JAK3: variants seen among roughly 807,000 people sequenced by gnomAD.
The protein encoded by JAK3 is tyrosine-protein kinase JAK3.
JAK3 carries 88 observed loss-of-function variants against 120.8 expected under a neutral mutation model. That is an observed-to-expected ratio of 0.73 (90% confidence interval 0.61 to 0.87). The LOEUF (loss-of-function observed/expected upper bound fraction) is 0.87, where lower values mean the gene tolerates loss of function less well. Ranked by LOEUF, JAK3 falls within the 40% of genes least tolerant of loss-of-function variation. JAK3 has a pLI of 0.00. For missense variants in JAK3, 1,254 were observed against 1,501.4 expected (o/e 0.84, Z 2.72); for synonymous variants, 592 against 628.6 (o/e 0.94, Z 0.87).
In JAK3 at chr19:17,831,530, C is replaced by G; in HGVS notation, c.2806-130G>C. The G allele has an allele frequency of 6.6e-7, 1 of 1,508,888 alleles. No individual in the cohort carries two copies. 93.5% of individuals were successfully genotyped at this position (1,508,888 alleles called of 1,614,324 possible). ...CCCCGAGCCATCCTCCACTGAAGTT[C>G]TGATCCTGAGCCCTAAGCCAACCCC... On this transcript the variant is annotated intron_variant, in intron 20 of 23. Coordinates refer to ENST00000458235, the MANE Select transcript of JAK3 (RefSeq NM_000215.4). This position sits in a 1 kb window ranked among gnomAD's most constrained non-coding sequence, Gnocchi z 5.1.
chr19:17,836,333 A>G (rs2094224226), intron 13 of JAK3, among the ~76,000 whole-genome samples: 1 of 151,714 alleles, frequency 6.6e-6, no homozygotes, highest in Non-Finnish European at 1.5e-5. Context: ...CCCAGGCTGG[A>G]GTGCAGTGGT....
At chr19:17,844,134 C>T in intron 2 of JAK3, 100 bp downstream of exon 2, 2 of 1,351,558 alleles carry the variant, frequency 1.5e-6, no homozygotes, top group Non-Finnish European at 2.1e-6. Context: ...AAAGCCCCAG[C>T]TCCGATGCTG....
intron 1 of JAK3, 34 bp from the exon 2 acceptor site, chr19:17,844,464 G>C (rs147813790): frequency 3.8e-6 from 6 of 1,559,430 alleles, no homozygotes; most frequent in Non-Finnish European, 5.2e-6. Context: ...CCTCAGTCCT[G>C]GTCAGAGGGG....
rs959503789 is a variant in JAK3 at position 17,841,194 on chromosome 19, G to A, written c.1142+195C>T. ...TCTCCAGGAAATGGCCCTGGGGTCA[G>A]AGAGAGAGAGAGTAGTGGTCGCCCT... On this transcript the variant is annotated intron_variant, in intron 8 of 23. Transcript: ENST00000458235. This position sits in a 1 kb window ranked among gnomAD's most constrained non-coding sequence, Gnocchi z 4.1. Among the ~76,000 whole-genome samples the A allele has an allele frequency of 2.0e-5, 3 of 150,344 alleles. No homozygotes were observed. Among genetic ancestry groups the A allele is most frequent in the Non-Finnish European group, 4.5e-5 (3 of 67,324 alleles).
rs1275983760 is a variant in JAK3 at position 17,826,762 on chromosome 19, T to C, written c.3356A>G (p.His1119Arg). ...AFTAHPEGKH[H>R]SLSFS The stretch of plus-strand genomic sequence containing the variant: ...CAGGAGCTATGAAAAGGACAGGGAG[T>C]GGTGTTTGCCCTCTGGGTGAGCAGT... Residue 1119 changes from histidine to arginine, a missense_variant, in exon 24 of 24, where the codon CAC becomes CGC. His to Arg is a conservative substitution (Grantham distance 29, BLOSUM62 0). Transcript: ENST00000458235. 2 of 1,612,954 alleles carry C rather than the reference T, an allele frequency of 1.2e-6. No individual in the cohort carries two copies. Among genetic ancestry groups the C allele is most frequent in the Non-Finnish European group, 1.7e-6 (2 of 1,179,748 alleles).
intron 11 of JAK3, 72 bp from the exon 12 acceptor site, chr19:17,838,135 A>G: frequency 6.2e-7 from 1 of 1,612,966 alleles, no homozygotes; most frequent in Non-Finnish European, 8.5e-7. Flanking sequence ...AGCGAGACAT[A>G]GCTGCTGGCC....
Position 17,832,883 on chromosome 19 carries a change from A to G in JAK3, c.2397T>C (p.Arg799=). 6.2e-7 allele frequency: 1 copy of G among 1,614,224 alleles called. No individual in the cohort carries two copies. The highest frequency in any genetic ancestry group is 8.5e-7 in the Non-Finnish European group (1 of 1,180,032). ...SDPTPGALAP[R]DGLWNGAQLY... Reference sequence around the variant, plus strand: ...GCTGGGCACCATTCCACAGCCCATCACGAGGTGCCAGGGCACCAGGTGTGG... The same window carrying G: ...GCTGGGCACCATTCCACAGCCCATCGCGAGGTGCCAGGGCACCAGGTGTGG... Residue 799 remains arginine (R), a synonymous_variant, in exon 18 of 24, where the codon CGT becomes CGC. Coordinates refer to ENST00000458235, the MANE Select transcript of JAK3 (RefSeq NM_000215.4). The surrounding 1 kb of genome is among the most constrained non-coding windows in gnomAD (Gnocchi z 4.7).
chr19:17,830,444 A>G, intron 22 of JAK3, 59 bp downstream of exon 22: 1 of 1,368,184 alleles, frequency 7.3e-7, no homozygotes, highest in Non-Finnish European at 1.0e-6. Flanking sequence ...CAGGTTGGAG[A>G]TTGGCCACGA....
chr19:17,838,120 G>A (rs1318363756), intron 11 of JAK3, 57 bp from the exon 12 acceptor site: 2 of 1,613,246 alleles, frequency 1.2e-6, no homozygotes, highest in Non-Finnish European at 1.7e-6. Context: ...CAGGATCCCA[G>A]CCCAAGCGAG....
In JAK3 at chr19:17,831,569, C is replaced by G. The variant is rs2094214575; in HGVS notation, c.2805+105G>C. 6.6e-7 allele frequency: 1 copy of G among 1,514,830 alleles called. No homozygotes were observed. Among genetic ancestry groups the G allele is most frequent in the African/African-American group, 1.4e-5 (1 of 72,536 alleles). 93.8% of individuals were successfully genotyped at this position (1,514,830 alleles called of 1,614,324 possible). A position where few individuals can be genotyped will look rare whatever the true frequency, so the allele number is the denominator to read the frequency against. Reference sequence around the variant, plus strand: ...TAAGCCAACCCCACCACTCCCGAGACCTGGACCCCAAACCACTCCTCAGCC... The same window carrying G: ...TAAGCCAACCCCACCACTCCCGAGAGCTGGACCCCAAACCACTCCTCAGCC... On this transcript the variant is annotated intron_variant, in intron 20 of 23. Coordinates refer to ENST00000458235, the MANE Select transcript of JAK3 (RefSeq NM_000215.4). The surrounding 1 kb of genome is among the most constrained non-coding windows in gnomAD (Gnocchi z 5.1).
intron 9 of JAK3, 75 bp from the exon 10 acceptor site, chr19:17,839,738 CTTTTT>C (rs71164315): frequency 2.0e-3 from 1,549 of 791,494 alleles, no homozygotes; most frequent in Middle Eastern, 3.9e-3. Context: ...CCTTTTTTTT[CTTTTT>C]TTTTTTTTTT....
chr19:17,844,877 C>T (rs2094248717), intron 1 of JAK3, among the ~76,000 whole-genome samples: 1 of 151,936 alleles, frequency 6.6e-6, no homozygotes, highest in African/African-American at 2.4e-5. Context: ...AAACTGGCCC[C>T]CTGCTTCCAG....
intron 1 of JAK3, among the ~76,000 whole-genome samples, chr19:17,845,751 G>GA (rs962270056): frequency 4.0e-5 from 6 of 151,730 alleles, no homozygotes; most frequent in African/African-American, 7.3e-5. Flanking sequence ...CTTATCTCTA[G>GA]AAAAAAAACA....
chr19:17,830,733 C>T (rs1358802178), intron 21 of JAK3, 113 bp from the exon 22 acceptor site: 1 of 826,840 alleles, frequency 1.2e-6, no homozygotes, highest in Non-Finnish European at 2.1e-6. Flanking sequence ...GCAGGTCAGT[C>T]CCGTCTCCAG....
In JAK3 at chr19:17,841,386, T is replaced by G. The variant is rs933981970; in HGVS notation, c.1142+3A>C. The G allele has an allele frequency of 3.2e-6, 5 of 1,547,718 alleles. No individual in the cohort carries two copies. The highest frequency in any genetic ancestry group is 3.9e-5 in the Admixed American group (2 of 51,174). On this transcript the variant is annotated splice_donor_region_variant and intron_variant, in intron 8 of 23. Coordinates refer to ENST00000458235, the MANE Select transcript of JAK3 (RefSeq NM_000215.4). The surrounding 1 kb of genome is among the most constrained non-coding windows in gnomAD (Gnocchi z 4.1). ...AGGCCGGGAATGGGGGACAGGTCCT[T>G]ACGTGATGGGGCCGTGGCACTGCTC...
At chr19:17,839,738 CTT>C (rs71164315) in intron 9 of JAK3, 75 bp from the exon 10 acceptor site, 38,163 of 741,196 alleles carry the variant, frequency 0.051, no homozygotes, top group Middle Eastern at 0.067. Flanking sequence ...CCTTTTTTTT[CTT>C]TTTTTTTTTT....
intron 10 of JAK3, among the ~76,000 whole-genome samples, chr19:17,838,683 C>A (rs2094230319): frequency 1.3e-5 from 2 of 150,424 alleles, no homozygotes; most frequent in Non-Finnish European, 2.9e-5. Flanking sequence ...ATAGCTGGGA[C>A]TACAGGTGTG....
chr19:17,841,913 T>A lies in JAK3; in HGVS notation c.862-151A>T. 9.9e-7 allele frequency: 1 copy of A among 1,012,642 alleles called. No individual in the cohort carries two copies. The highest frequency in any genetic ancestry group is 1.4e-6 in the Non-Finnish European group (1 of 690,634). 62.7% of individuals were successfully genotyped at this position (1,012,642 alleles called of 1,614,324 possible). On this transcript the variant is annotated intron_variant, in intron 6 of 23. Coordinates refer to ENST00000458235, the MANE Select transcript of JAK3 (RefSeq NM_000215.4). This position sits in a 1 kb window ranked among gnomAD's most constrained non-coding sequence, Gnocchi z 4.1. ...GCCCCCTCCTATCAACTCCAACCTC[T>A]CAACACCTCCCCTACCCATCCCCAA...
In JAK3 at chr19:17,834,610, G is replaced by A. The variant is rs1198251679; in HGVS notation, c.2311C>T (p.Arg771Ter). The change falls in exon 17 of 24, where the codon CGA (arginine) becomes TGA (stop). Residue 771 changes from arginine to a stop codon, truncating the protein, a stop_gained. Transcript: ENST00000458235. LOFTEE classifies it high-confidence loss of function. Reference protein sequence around the residue: ...AYEPVQRPSFRAVIRDLNSLI... With the variant: ...AYEPVQRPSF ...CTATTGAGGTCACGAATGACGGCTCGGAAGGAGGGCCTCTGGACCGGCTCA... is the reference window on the plus strand; with the variant it reads ...CTATTGAGGTCACGAATGACGGCTCAGAAGGAGGGCCTCTGGACCGGCTCA... 9.9e-6 allele frequency: 16 copies of A among 1,613,918 alleles called. No individual in the cohort carries two copies. Among genetic ancestry groups the A allele is most frequent in the Non-Finnish European group, 1.4e-5 (16 of 1,179,956 alleles).
Sources: gnomAD v4.1 joint callset for allele counts (sites outside exome capture counted in the v4.1 genomes callset) on GRCh38, gnomAD v4.1.1 for gene constraint, Gnocchi (gnomAD v3.1) non-coding constraint, MANE v1.5 for transcripts, NCBI Gene and HGNC (gene_info 2026-07-23, HGNC 2026-07-21) for gene names.